The following NAE1 variants were observed in gnomAD, a reference collection of about 807,000 sequenced individuals.
The protein encoded by NAE1 is NEDD8 activating enzyme E1 subunit 1.
Under a neutral mutation model 88.0 loss-of-function variants are expected in NAE1, and 59 were observed. That is an observed-to-expected ratio of 0.67 (90% CI 0.54 to 0.83). The LOEUF is 0.83. Ranked by LOEUF, NAE1 falls within the 40% of genes least tolerant of loss-of-function variation. The pLI is 0.00. For synonymous variants in NAE1, 186 were observed against 208.9 expected (o/e 0.89, Z 0.95); for missense variants, 554 against 632.8 (o/e 0.88, Z 1.34).
intron 1 of NAE1, chr16:66,827,441 C>T (rs750468893): frequency 2.0e-5 from 3 of 152,764 alleles, no homozygotes; most frequent in Middle Eastern, 3.1e-3. Context: ...TGGTGGCAGG[C>T]GCCTGTAGTC....
chr16:66,826,845 A>T, intron 1 of NAE1, 65 bp from the exon 2 acceptor site: 1 of 1,460,798 alleles, frequency 6.8e-7, no homozygotes, highest in Non-Finnish European at 9.3e-7. Context: ...TCTTATTTGA[A>T]TGGTGATCTT....
chr16:66,830,565 G>A (rs547752307), intron 1 of NAE1, among the ~76,000 whole-genome samples: 1 of 152,342 alleles, frequency 6.6e-6, no homozygotes, highest in Non-Finnish European at 1.5e-5. Context: ...CGAGGAGCCT[G>A]GGCGCAACGG....
At chr16:66,823,389 T>C in intron 5 of NAE1, 83 bp from the exon 6 acceptor site, 1 of 1,353,320 alleles carries the variant, frequency 7.4e-7, no homozygotes, top group South Asian at 1.3e-5. Context: ...AGTTAAGCTA[T>C]TTTACAACAA....
At position 66,810,373 on chromosome 16, in the gene NAE1, C is replaced by G; in HGVS notation, c.1150+1G>C. On this transcript the variant is annotated splice_donor_variant, in intron 15 of 19. Coordinates refer to ENST00000290810, the MANE Select transcript of NAE1 (RefSeq NM_003905.4). LOFTEE classifies it high-confidence loss of function. The stretch of plus-strand genomic sequence containing the variant: ...AAGGAAATTAATTCAAGGGGACTTA[C>G]AGAGTAATTTTAATTCTTTCTCTGA... 1 of 1,591,706 alleles carries G rather than the reference C, an allele frequency of 6.3e-7. No homozygotes were observed. Among genetic ancestry groups the G allele is most frequent in the Non-Finnish European group, 8.6e-7 (1 of 1,161,182 alleles).
At chr16:66,811,249 C>T (rs1959787477) in intron 13 of NAE1, among the ~76,000 whole-genome samples, 2 of 152,100 alleles carry the variant, frequency 1.3e-5, no homozygotes, top group South Asian at 4.1e-4. Context: ...CCTCAACTTC[C>T]CACGCTCAAC....
chr16:66,806,084 T>C, intron 17 of NAE1, 58 bp from the exon 18 acceptor site: 1 of 1,500,618 alleles, frequency 6.7e-7, no homozygotes, highest in Non-Finnish European at 8.9e-7. Flanking sequence ...AATGGCCAAC[T>C]CCTTTATTTA....
intron 11 of NAE1, among the ~76,000 whole-genome samples, chr16:66,815,898 T>C (rs1239526190): frequency 6.7e-6 from 1 of 149,652 alleles, no homozygotes; most frequent in Admixed American, 6.7e-5. Context: ...CCTGACTTCA[T>C]GTGATCTGCC....
chr16:66,830,763 G>C, intron 1 of NAE1, 84 bp downstream of exon 1: 1 of 1,350,346 alleles, frequency 7.4e-7, no homozygotes, highest in East Asian at 2.9e-5. Context: ...AGGAAGGCCC[G>C]ACCGCGCCGC....
intron 19 of NAE1, among the ~76,000 whole-genome samples, chr16:66,804,827 T>C (rs1434366290): frequency 2.0e-5 from 3 of 151,482 alleles, no homozygotes; most frequent in Non-Finnish European, 4.4e-5. Context: ...TTTTTCACCA[T>C]GTGAGAACAC....
rs772797703 is a variant in NAE1 at position 66,821,591 on chromosome 16, T to C, written c.402-32A>G. ...AAAAAAAAAAAGCAAAATATGAACA[T>C]AAGCAAATGGAAATATGCCAAACAT... On this transcript the variant is annotated intron_variant, in intron 6 of 19. Transcript: ENST00000290810. 2.0e-6 allele frequency: 3 copies of C among 1,499,380 alleles called. No individual in the cohort carries two copies. In the South Asian group the frequency reaches 3.8e-5, roughly 19 times the overall value. 92.9% of individuals were successfully genotyped at this position (1,499,380 alleles called of 1,614,324 possible). A position where few individuals can be genotyped will look rare whatever the true frequency, so the allele number is the denominator to read the frequency against.
At chr16:66,816,861 G>T (rs9888921) in intron 10 of NAE1, 104 bp downstream of exon 10, 7 of 1,505,462 alleles carry the variant, frequency 4.6e-6, no homozygotes, top group Non-Finnish European at 6.2e-6. Context: ...AAAAGCTCAT[G>T]ATGCTATCAT....
In NAE1 at chr16:66,823,497, G is replaced by A. The variant is rs551419853; in HGVS notation, c.321+32C>T. 5.6e-5 allele frequency: 87 copies of A among 1,552,826 alleles called. 3 individuals are homozygous for A. In the South Asian group the frequency reaches 9.8e-4, roughly 17 times the overall value. ...GAATTATTTAAAAAATTGTATTTCAGCACAGACATAATAATGTGTGTACAT... is the reference window on the plus strand; with the variant it reads ...GAATTATTTAAAAAATTGTATTTCAACACAGACATAATAATGTGTGTACAT... On this transcript the variant is annotated intron_variant, in intron 5 of 19. Transcript: ENST00000290810.
chr16:66,820,725 C>T (rs1052769761), intron 7 of NAE1, among the ~76,000 whole-genome samples: 18 of 152,056 alleles, frequency 1.2e-4, no homozygotes, highest in Admixed American at 3.9e-4. Flanking sequence ...CATGGTGAAA[C>T]CCCATCTCTA....
chr16:66,816,655 T>A lies in NAE1; in HGVS notation c.766A>T (p.Asn256Tyr). The stretch of plus-strand genomic sequence containing the variant: ...TTCTCTTCATCTTCTGGAGCCCCAT[T>A]TTCATTTTTTAGAATTCCTATTGTA... Reference protein sequence around the residue: ...LIRQGILKNENGAPEDEENFE... With the variant: ...LIRQGILKNEYGAPEDEENFE... Residue 256 changes from asparagine (N) to tyrosine (Y), a missense_variant, in exon 11 of 20, where the codon AAT becomes TAT. Asn to Tyr is a moderately radical substitution (Grantham distance 143). Coordinates refer to ENST00000290810, the MANE Select transcript of NAE1 (RefSeq NM_003905.4). 6.2e-7 allele frequency: 1 copy of A among 1,611,376 alleles called. No homozygotes were observed. The highest frequency in any genetic ancestry group is 8.5e-7 in the Non-Finnish European group (1 of 1,178,110).
rs763350344 is a variant in NAE1 at position 66,805,804 on chromosome 16, G to T, written c.1468C>A (p.Pro490Thr). The T allele has an allele frequency of 6.5e-7, 1 of 1,529,372 alleles. No individual in the cohort carries two copies. Among genetic ancestry groups the T allele is most frequent in the East Asian group, 2.3e-5 (1 of 43,214 alleles). 94.7% of individuals were successfully genotyped at this position (1,529,372 alleles called of 1,614,324 possible). A position where few individuals can be genotyped will look rare whatever the true frequency, so the allele number is the denominator to read the frequency against. ...HEFCRYGAAE[P>T]HTIAAFLGGA... ...CCCAAGAATGCAGCAATGGTATGTG[G>T]CTCAGCAGCTCCATATCGGCAACTA... Residue 490 changes from proline to threonine, a missense_variant, in exon 19 of 20, where the codon CCA becomes ACA. Pro to Thr is a conservative substitution (Grantham distance 38). Transcript: ENST00000290810.
chr16:66,813,417 A>C (rs1332410944), intron 13 of NAE1, 147 bp downstream of exon 13: 1 of 965,928 alleles, frequency 1.0e-6, no homozygotes, highest in African/African-American at 1.6e-5. Flanking sequence ...TTGGGATTAC[A>C]GGCATGAGCC....
chr16:66,808,998 C>T lies in NAE1; in HGVS notation c.1228G>A (p.Asp410Asn). 1 of 1,602,508 alleles carries T rather than the reference C, an allele frequency of 6.2e-7. No homozygotes were observed. The highest frequency in any genetic ancestry group is 8.5e-7 in the Non-Finnish European group (1 of 1,172,006). ...EEYGLDTINKDEIISSMDNPD... is the reference protein window; with the variant it reads ...EEYGLDTINKNEIISSMDNPD... ...AGGCTATTATACTTACTAATTTCAT[C>T]CTTGTTAATTGTATCCAAACCATAT... is the stretch of plus-strand genomic sequence containing the variant. The change falls in exon 16 of 20, where the codon GAT becomes AAT. Residue 410 changes from aspartate to asparagine, a missense_variant. By Grantham distance (23) the Asp-to-Asn change is conservative. Coordinates refer to ENST00000290810, the MANE Select transcript of NAE1 (RefSeq NM_003905.4).
chr16:66,814,729 TG>T (rs1262986509), intron 11 of NAE1, among the ~76,000 whole-genome samples: 1 of 152,132 alleles, frequency 6.6e-6, no homozygotes, highest in Non-Finnish European at 1.5e-5. Flanking sequence ...CCCTCAATTG[TG>T]TTCTCCTCAT....
chr16:66,804,258 A>C (rs1211794876), intron 19 of NAE1, among the ~76,000 whole-genome samples: 2 of 151,820 alleles, frequency 1.3e-5, no homozygotes, highest in Non-Finnish European at 2.9e-5. Context: ...AAAAAAAACA[A>C]AGAAAACCTT....
Sources: gnomAD v4.1 joint callset for allele counts (sites outside exome capture counted in the v4.1 genomes callset) on GRCh38, gnomAD v4.1.1 for gene constraint, MANE v1.5 for transcripts, NCBI Gene and HGNC (gene_info 2026-07-23, HGNC 2026-07-21) for gene names.